The following CCDC7 variants were observed in gnomAD, a reference collection of about 807,000 sequenced individuals.
CCDC7 encodes coiled-coil domain containing 7, also known as coiled-coil domain-containing protein 7.
CCDC7 carries 183 observed loss-of-function variants against 196.9 expected under a neutral mutation model. The observed-to-expected ratio is 0.93, with a 90% confidence interval of 0.82 to 1.05. The LOEUF (loss-of-function observed/expected upper bound fraction) is 1.05, where lower values mean the gene tolerates loss of function less well. Among genes scored for constraint, CCDC7 ranks in the 50% least tolerant of loss-of-function variants. The pLI, the probability that CCDC7 is intolerant of heterozygous loss-of-function variation, is 0.00. For synonymous variants in CCDC7, 525 were observed against 484.6 expected, an observed-to-expected ratio of 1.08 and a Z score of -1.10; for missense variants, 1,540 against 1,482.2, an observed-to-expected ratio of 1.04 and a Z score of -0.64.
At chr10:32,837,266 A>G (rs985346874) in intron 33 of CCDC7, among the ~76,000 whole-genome samples, 5 of 152,220 alleles carry the variant, frequency 3.3e-5, no homozygotes, top group African/African-American at 9.6e-5. Flanking sequence ...TGGGCGAAGG[A>G]TGTGAACAGA....
In CCDC7 at chr10:32,454,599, A is replaced by G. The variant is rs949213291; in HGVS notation, c.372+1163A>G. ...AGTTAAAAAAAAAACCACCAAAAAA[A>G]TAAAATAAAATGAAATTAAGTTCAC... On this transcript the variant is annotated intron_variant, in intron 2 of 41. Transcript: ENST00000639629. Among the ~76,000 whole-genome samples, 3 of 152,218 alleles carry G rather than the reference A, an allele frequency of 2.0e-5. No homozygotes were observed. The South Asian group carries it at 6.2e-4, about 32-fold the overall frequency.
At chr10:32,740,328 A>G (rs1017089953) in intron 28 of CCDC7, among the ~76,000 whole-genome samples, 2 of 152,208 alleles carry the variant, frequency 1.3e-5, no homozygotes, top group Non-Finnish European at 2.9e-5. Context: ...AATATAATTA[A>G]TGATATATTT....
At chr10:32,492,067 T>C in intron 9 of CCDC7, 70 bp downstream of exon 10, 1 of 1,434,512 alleles carries the variant, frequency 7.0e-7, no homozygotes. Context: ...ATTGTATTTT[T>C]CCATATGTAA....
chr10:32,705,813 A>G (rs1247196352), intron 24 of CCDC7, among the ~76,000 whole-genome samples: 3 of 152,170 alleles, frequency 2.0e-5, no homozygotes, highest in Admixed American at 6.5e-5. Flanking sequence ...ACCCAGATTC[A>G]TAAAGAAAGC....
intron 5 of CCDC7, among the ~76,000 whole-genome samples, chr10:32,470,367 A>G (rs1486112507): frequency 6.6e-6 from 1 of 152,050 alleles, no homozygotes; most frequent in Non-Finnish European, 1.5e-5. Context: ...CCCAATTGCT[A>G]TTCTGCTTGT....
At chr10:32,484,644 A>G (rs1417014419) in intron 8 of CCDC7, among the ~76,000 whole-genome samples, 1 of 152,136 alleles carries the variant, frequency 6.6e-6, no homozygotes, top group Non-Finnish European at 1.5e-5. Context: ...TGTCATAAAT[A>G]GCTCTTATTA....
chr10:32,590,878 T>A (rs2059718907), intron 18 of CCDC7, among the ~76,000 whole-genome samples: 1 of 151,884 alleles, frequency 6.6e-6, no homozygotes, highest in Non-Finnish European at 1.5e-5. Flanking sequence ...TGTATGTTAC[T>A]TGTTTTTTTC....
At chr10:32,692,806 C>T (rs184375232) in intron 23 of CCDC7, among the ~76,000 whole-genome samples, 6 of 152,272 alleles carry the variant, frequency 3.9e-5, no homozygotes, top group South Asian at 4.1e-4. Flanking sequence ...CACAGAAAAG[C>T]ACTTAGCAAG....
chr10:32,490,399 A>G (rs1418216493), intron 8 of CCDC7, among the ~76,000 whole-genome samples: 4 of 152,156 alleles, frequency 2.6e-5, no homozygotes, highest in Non-Finnish European at 5.9e-5. Context: ...TGAATTTTCA[A>G]ATTGTGGCTG....
rs147079788 is a variant in CCDC7 at position 32,549,130 on chromosome 10, T to C, written c.1134+4829T>C. ...CGTGCAGGAGCAAGGTGGTATGGCA[T>C]TGTGGTTTTGATTTGCATTTCCCTG... On this transcript the variant is annotated intron_variant, in intron 13 of 41. Transcript: ENST00000639629. Among the ~76,000 whole-genome samples, 1,073 of 152,334 alleles carry C rather than the reference T, an allele frequency of 7.0e-3. 13 individuals are homozygous for C. The highest frequency in any genetic ancestry group is 0.025 in the African/African-American group (1,023 of 41,576).
At chr10:32,525,368 T>C (rs1319883665) in intron 11 of CCDC7, among the ~76,000 whole-genome samples, 3 of 152,240 alleles carry the variant, frequency 2.0e-5, no homozygotes, top group Non-Finnish European at 4.4e-5. Context: ...TCAATTGCAT[T>C]TTTCAATTCC....
In CCDC7 at chr10:32,711,814, T is replaced by G. The variant is rs192887325; in HGVS notation, c.2569+84T>G. The G allele has an allele frequency of 3.9e-5, 25 of 643,974 alleles. No individual in the cohort carries two copies. The African/African-American group carries it at 4.5e-4, about 12-fold the overall frequency. 39.9% of individuals were successfully genotyped at this position (643,974 alleles called of 1,614,324 possible). On this transcript the variant is annotated intron_variant, in intron 25 of 41. Coordinates refer to ENST00000639629, the Ensembl canonical transcript of CCDC7. ...TTTCTTTGGTTCATACTTACGTATT[T>G]GAGAACATATATTTTATTGATAATT... is the stretch of plus-strand genomic sequence containing the variant.
At chr10:32,616,314 T>A (rs1293976131) in intron 18 of CCDC7, among the ~76,000 whole-genome samples, 1 of 152,024 alleles carries the variant, frequency 6.6e-6, no homozygotes, top group African/African-American at 2.4e-5. Flanking sequence ...TCTATTTGTT[T>A]GCATAGTCTG....
chr10:32,735,128 T>C (rs2084649619), intron 28 of CCDC7, among the ~76,000 whole-genome samples: 1 of 152,136 alleles, frequency 6.6e-6, no homozygotes, highest in Admixed American at 6.6e-5. Context: ...AGTCCAACGA[T>C]TTCTTCATTA....
chr10:32,602,105 CA>C (rs1471052373), intron 18 of CCDC7, among the ~76,000 whole-genome samples: 5 of 152,130 alleles, frequency 3.3e-5, no homozygotes, highest in Non-Finnish European at 5.9e-5. Context: ...TAAGCTGTAA[CA>C]CTCACTGTGA....
At chr10:32,611,414 C>G (rs1474182262) in intron 18 of CCDC7, among the ~76,000 whole-genome samples, 1 of 152,166 alleles carries the variant, frequency 6.6e-6, no homozygotes, top group East Asian at 1.9e-4. Flanking sequence ...TGCAGAAGCT[C>G]TTTAGTTTAA....
chr10:32,800,442 C>G (rs1032504241), intron 29 of CCDC7, among the ~76,000 whole-genome samples: 5 of 152,090 alleles, frequency 3.3e-5, no homozygotes, highest in Non-Finnish European at 1.5e-5. Context: ...GTCCAAGGAC[C>G]CACTGGAGCC....
At chr10:32,466,920 T>G (rs887110903) in intron 5 of CCDC7, among the ~76,000 whole-genome samples, 2 of 152,192 alleles carry the variant, frequency 1.3e-5, no homozygotes, top group Non-Finnish European at 2.9e-5. Context: ...CTCCACAACT[T>G]TGCCAGCATC....
At chr10:32,785,965 G>A (rs2081799537) in intron 29 of CCDC7, among the ~76,000 whole-genome samples, 1 of 152,152 alleles carries the variant, frequency 6.6e-6, no homozygotes. Flanking sequence ...TGATTAACAA[G>A]ACATTAAACT....
Sources: gnomAD v4.1 joint callset for allele counts (sites outside exome capture counted in the v4.1 genomes callset) on GRCh38, gnomAD v4.1.1 for gene constraint, MANE v1.5 for transcripts, NCBI Gene and HGNC (gene_info 2026-07-23, HGNC 2026-07-21) for gene names.